ARHGAP6: variants seen among roughly 807,000 people sequenced by gnomAD.
ARHGAP6 encodes the protein Rho GTPase activating protein 6, also known as rho GTPase-activating protein 6.
ARHGAP6 carries 16 observed loss-of-function variants against 55.7 expected under a neutral mutation model. The ratio of observed to expected loss-of-function variants is 0.29; its 90% CI spans 0.19 to 0.44. ARHGAP6 has a LOEUF of 0.44. Among genes scored for constraint, ARHGAP6 ranks in the 20% least tolerant of loss-of-function variants. The pLI is 1.00. For synonymous variants in ARHGAP6, 382 were observed against 360.9 expected (o/e 1.06, Z -0.66); for missense variants, 698 against 808.9 (o/e 0.86, Z 1.66).
intron 1 of ARHGAP6, among the ~76,000 whole-genome samples, chrX:11,566,548 A>T (rs1432183181): frequency 1.8e-5 from 2 of 112,292 alleles, no homozygotes; most frequent in Non-Finnish European, 3.8e-5. Context: ...CTGAACAGAA[A>T]CTCACTTAAA....
intron 8 of ARHGAP6, among the ~76,000 whole-genome samples, chrX:11,172,191 T>C (rs2046102080): frequency 9.0e-6 from 1 of 111,299 alleles, no homozygotes; most frequent in African/African-American, 3.3e-5. Flanking sequence ...ACACGAGTTG[T>C]ATTATTTTTA....
intron 1 of ARHGAP6, among the ~76,000 whole-genome samples, chrX:11,629,137 C>T (rs1030906736): frequency 8.9e-6 from 1 of 111,822 alleles, no homozygotes; most frequent in African/African-American, 3.3e-5. Flanking sequence ...AACCTGCCTA[C>T]TTTCCTCCAT....
intron 1 of ARHGAP6, among the ~76,000 whole-genome samples, chrX:11,326,825 T>A (rs1485484887): frequency 8.9e-6 from 1 of 112,136 alleles, no homozygotes; most frequent in East Asian, 2.8e-4. Context: ...TAAACACTTG[T>A]TAAACTTTGA....
intron 1 of ARHGAP6, among the ~76,000 whole-genome samples, chrX:11,622,818 C>T (rs1163896408): frequency 9.0e-6 from 1 of 110,922 alleles, no homozygotes; most frequent in South Asian, 3.8e-4. Context: ...TCCAAGAAAA[C>T]ATTTTGTATT....
chrX:11,332,285 T>C (rs752817192), intron 1 of ARHGAP6, among the ~76,000 whole-genome samples: 1 of 112,234 alleles, frequency 8.9e-6, no homozygotes, highest in East Asian at 2.8e-4. Context: ...CCCTATGACG[T>C]CTGGCTTGCT....
intron 1 of ARHGAP6, among the ~76,000 whole-genome samples, chrX:11,537,021 T>A (rs2051110829): frequency 8.9e-6 from 1 of 112,330 alleles, no homozygotes; most frequent in African/African-American, 3.2e-5. Flanking sequence ...CCACACATGA[T>A]GAAAACTGGG....
At chrX:11,316,902 T>C (rs955729577) in intron 1 of ARHGAP6, among the ~76,000 whole-genome samples, 1 of 112,769 alleles carries the variant, frequency 8.9e-6, no homozygotes, top group African/African-American at 3.2e-5. Flanking sequence ...TTCTTCTTTT[T>C]TAGGGCTGAA....
chrX:11,431,125 C>T (rs908656618), intron 1 of ARHGAP6, among the ~76,000 whole-genome samples: 5 of 112,214 alleles, frequency 4.5e-5, no homozygotes, highest in Non-Finnish European at 9.4e-5. Context: ...TGGTTAAGAG[C>T]CTGCTAGGCT....
At chrX:11,388,877 T>C (rs1381401106) in intron 1 of ARHGAP6, among the ~76,000 whole-genome samples, 2 of 111,836 alleles carry the variant, frequency 1.8e-5, no homozygotes, top group African/African-American at 6.5e-5. Context: ...TAAATAGAAA[T>C]CCAGTGTACC....
At chrX:11,263,706 T>C (rs1028367265) in intron 1 of ARHGAP6, among the ~76,000 whole-genome samples, 2 of 111,085 alleles carry the variant, frequency 1.8e-5, no homozygotes, top group African/African-American at 6.6e-5. Flanking sequence ...CTGGTTGACA[T>C]AGGTATAGCA....
intron 1 of ARHGAP6, among the ~76,000 whole-genome samples, chrX:11,572,332 TC>T (rs1159528693): frequency 9.2e-6 from 1 of 109,229 alleles, no homozygotes; most frequent in Admixed American, 9.8e-5. Context: ...ATGCTATCCC[TC>T]CCCCCTCCTC....
intron 1 of ARHGAP6, among the ~76,000 whole-genome samples, chrX:11,286,029 C>T (rs1054275494): frequency 1.8e-5 from 2 of 111,533 alleles, no homozygotes; most frequent in Admixed American, 1.9e-4. Flanking sequence ...TTAAGTAAGG[C>T]TCTTTGAGAA....
chrX:11,417,056 G>GTATATA (rs2049756874), intron 1 of ARHGAP6, among the ~76,000 whole-genome samples: 3 of 37,920 alleles, frequency 7.9e-5, no homozygotes, highest in African/African-American at 3.4e-4. Flanking sequence ...ATATGGGTGT[G>GTATATA]TACATATATA....
At chrX:11,647,041 G>T (rs1479834687) in intron 1 of ARHGAP6, among the ~76,000 whole-genome samples, 1 of 112,084 alleles carries the variant, frequency 8.9e-6, no homozygotes, top group African/African-American at 3.2e-5. Flanking sequence ...TATATTCAAG[G>T]AATGCAGTAT....
chrX:11,293,895 T>C, intron 1 of ARHGAP6, among the ~76,000 whole-genome samples: 1 of 112,265 alleles, frequency 8.9e-6, no homozygotes, highest in East Asian at 2.8e-4. Context: ...TAGTGTACTT[T>C]TCATAGACAG....
intron 1 of ARHGAP6, among the ~76,000 whole-genome samples, chrX:11,617,617 G>C (rs1158522466): frequency 1.8e-5 from 2 of 111,631 alleles, no homozygotes; most frequent in Non-Finnish European, 3.8e-5. Context: ...TGTCATGGTT[G>C]ATGATTATCT....
intron 1 of ARHGAP6, among the ~76,000 whole-genome samples, chrX:11,439,184 A>G (rs2050017750): frequency 8.9e-6 from 1 of 112,640 alleles, no homozygotes; most frequent in African/African-American, 3.2e-5. Flanking sequence ...TCAACCAAGG[A>G]CTTTCTAACA....
At chrX:11,389,837 T>C (rs1437408744) in intron 1 of ARHGAP6, among the ~76,000 whole-genome samples, 1 of 111,833 alleles carries the variant, frequency 8.9e-6, no homozygotes, top group East Asian at 2.8e-4. Context: ...AGAAAGTCGG[T>C]GTGGTTAGAG....
intron 1 of ARHGAP6, among the ~76,000 whole-genome samples, chrX:11,497,559 TTCTCTCTCTC>T (rs34138329): frequency 2.7e-4 from 11 of 41,144 alleles, no homozygotes; most frequent in South Asian, 2.7e-3. Context: ...CCCTCCCTCC[TTCTCTCTCTC>T]TCTCTCTCTC....
Sources: allele counts gnomAD v4.1 joint callset (sites outside exome capture counted in the v4.1 genomes callset), GRCh38; gene constraint gnomAD v4.1.1; transcripts MANE v1.5; gene names NCBI Gene and HGNC (gene_info 2026-07-23, HGNC 2026-07-21).